The following CPXM2 variants were observed in gnomAD, a reference collection of about 807,000 sequenced individuals.
CPXM2 encodes carboxypeptidase X, M14 family member 2, also known as inactive carboxypeptidase-like protein X2.
A neutral mutation model predicts 86.1 loss-of-function variants in CPXM2; 66 were observed. The observed-to-expected ratio is 0.77, with a 90% CI of 0.63 to 0.94. The LOEUF is 0.94. CPXM2 is among the 40% of genes least tolerant of loss of function. The pLI is 0.00. For synonymous variants in CPXM2, 388 were observed against 400.2 expected, an observed-to-expected ratio of 0.97 and a Z score of 0.36; for missense variants, 948 against 1,026.3, an observed-to-expected ratio of 0.92 and a Z score of 1.04.
chr10:123,805,200 A>T (rs1020510541), intron 4 of CPXM2, among the ~76,000 whole-genome samples: 1 of 151,924 alleles, frequency 6.6e-6, no homozygotes, highest in African/African-American at 2.4e-5. Flanking sequence ...TAAATCAATT[A>T]TAAATATTAT....
At chr10:123,751,007 G>C (rs1051518886) in intron 13 of CPXM2, 1 of 985,466 alleles carries the variant, frequency 1.0e-6, no homozygotes, top group African/African-American at 1.7e-5. Context: ...TCTGTGTTCA[G>C]GGTGAACCTT....
At chr10:123,800,392 G>T (rs1037806014) in intron 4 of CPXM2, among the ~76,000 whole-genome samples, 2 of 152,146 alleles carry the variant, frequency 1.3e-5, no homozygotes, top group African/African-American at 4.8e-5. Flanking sequence ...ACCAGTTTGA[G>T]CCCAGGGCTG....
chr10:123,891,582 C>A lies in CPXM2; in HGVS notation c.78G>T (p.Gln26His). 6 of 1,537,086 alleles carry A rather than the reference C, an allele frequency of 3.9e-6. No homozygotes were observed. In the South Asian group the frequency reaches 7.3e-5, roughly 19 times the overall value. ...LAVTLAGVGA[Q>H]GAALEDPDYY... ...AATCAGGGTCCTCGAGGGCTGCGCC[C>A]TGGGCTCCGACCCCGGCCAGGGTCA... The change falls in exon 1 of 14, where the codon CAG becomes CAT. Residue 26 changes from glutamine to histidine, a missense_variant. Gln to His is a conservative substitution (Grantham distance 24). Coordinates refer to ENST00000241305, the MANE Select transcript of CPXM2 (RefSeq NM_198148.3). This position sits in a 1 kb window ranked among gnomAD's most constrained non-coding sequence, Gnocchi z 5.6.
chr10:123,921,323 A>T (rs1945578186), intron 2 of CPXM2, among the ~76,000 whole-genome samples: 1 of 152,210 alleles, frequency 6.6e-6, no homozygotes, highest in African/African-American at 2.4e-5. Flanking sequence ...ATTATTAGAC[A>T]TTATAGATTT....
chr10:123,836,348 G>A (rs1177062063), intron 4 of CPXM2, among the ~76,000 whole-genome samples: 3 of 151,968 alleles, frequency 2.0e-5, no homozygotes, highest in Non-Finnish European at 4.4e-5. Flanking sequence ...TCCTGAACCT[G>A]CCCTGCACCT....
At chr10:123,808,155 G>T (rs1388935701) in intron 4 of CPXM2, among the ~76,000 whole-genome samples, 1 of 151,906 alleles carries the variant, frequency 6.6e-6, no homozygotes, top group Non-Finnish European at 1.5e-5. Context: ...AGAAAAAGCT[G>T]GCATATATTT....
intron 6 of CPXM2, among the ~76,000 whole-genome samples, chr10:123,793,905 AC>A (rs1847265586): frequency 6.6e-6 from 1 of 152,252 alleles, no homozygotes; most frequent in African/African-American, 2.4e-5. Flanking sequence ...CAACAGAGCA[AC>A]AGACCATCCT....
intron 1 of CPXM2, among the ~76,000 whole-genome samples, chr10:123,884,118 A>C (rs1945141024): frequency 6.6e-6 from 1 of 152,150 alleles, no homozygotes; most frequent in African/African-American, 2.4e-5. Context: ...GCTTTGCTGC[A>C]ATTTTGCATC....
chr10:123,842,192 G>A (rs779402386), intron 4 of CPXM2, among the ~76,000 whole-genome samples, 157 bp downstream of exon 4: 16 of 152,178 alleles, frequency 1.1e-4, no homozygotes, highest in African/African-American at 3.9e-4. Flanking sequence ...AGAATGTGTC[G>A]ACAACGAGCC....
At chr10:123,908,387 GT>G (rs1945461674) in intron 2 of CPXM2, among the ~76,000 whole-genome samples, 1 of 152,166 alleles carries the variant, frequency 6.6e-6, no homozygotes, top group African/African-American at 2.4e-5. Flanking sequence ...AAACCATCCT[GT>G]TTGCAGATAA....
intron 13 of CPXM2, among the ~76,000 whole-genome samples, chr10:123,747,730 G>C (rs879614067): frequency 1.3e-5 from 2 of 152,090 alleles, no homozygotes; most frequent in Non-Finnish European, 2.9e-5. Flanking sequence ...CTAGATCCCT[G>C]TGGTGGGCAC....
chr10:123,766,459 A>C (rs1846473765), intron 10 of CPXM2, among the ~76,000 whole-genome samples: 1 of 152,258 alleles, frequency 6.6e-6, no homozygotes, highest in African/African-American at 2.4e-5. Flanking sequence ...TGACCAGGAA[A>C]GATAATAAGA....
At chr10:123,930,810 T>G (rs1945661402) in intron 2 of CPXM2, among the ~76,000 whole-genome samples, 1 of 152,230 alleles carries the variant, frequency 6.6e-6, no homozygotes, top group East Asian at 1.9e-4. Flanking sequence ...GACATTCATT[T>G]TAATTGAATA....
chr10:123,830,946 T>C lies in CPXM2; in HGVS notation c.653+11403A>G, dbSNP rs561440103. Among the ~76,000 whole-genome samples, 13 of 151,862 alleles carry C rather than the reference T, an allele frequency of 8.6e-5. 1 individual carries two copies. The East Asian group carries it at 2.3e-3, about 27-fold the overall frequency. On this transcript the variant is annotated intron_variant, in intron 4 of 13. Coordinates refer to ENST00000241305, the MANE Select transcript of CPXM2 (RefSeq NM_198148.3). ...TCTTTCTTTGCTGGAACTCTAATCATGTAGTTAAATGGCTCTGCCATGTTC... is the reference window on the plus strand; with the variant it reads ...TCTTTCTTTGCTGGAACTCTAATCACGTAGTTAAATGGCTCTGCCATGTTC...
chr10:123,762,281 A>G (rs917641141), intron 10 of CPXM2, 112 bp from the exon 11 acceptor site: 1 of 1,459,370 alleles, frequency 6.9e-7, no homozygotes, highest in South Asian at 1.2e-5. Context: ...TAATCTTAGT[A>G]AAGTTCAGAA....
chr10:123,895,741 C>T (rs548397401), upstream of CPXM2, among the ~76,000 whole-genome samples: 3 of 152,256 alleles, frequency 2.0e-5, no homozygotes, highest in Non-Finnish European at 2.9e-5. Flanking sequence ...GGATGTCAGC[C>T]GTGCTATAAA....
chr10:123,826,135 C>T (rs961316529), intron 4 of CPXM2, among the ~76,000 whole-genome samples: 3 of 152,160 alleles, frequency 2.0e-5, no homozygotes, highest in East Asian at 1.9e-4. Flanking sequence ...TCCTGCTTTA[C>T]AGATAAGGAA....
In CPXM2 at chr10:123,939,078, C is replaced by T. The variant is rs572805739; in HGVS notation, n.174+399G>A. On this transcript the variant is annotated intron_variant and non_coding_transcript_variant, in intron 2 of 19. Coordinates refer to the CPXM2 transcript ENST00000368854. ...GGTATCCTGGATACCATGTCAGGGA[C>T]ATAAAGCCACGAGAAGTGTATCTGC... is the stretch of plus-strand genomic sequence containing the variant. 3.2e-3 allele frequency among the ~76,000 whole-genome samples: 492 copies of T among 152,220 alleles called. 1 individual carries two copies. Among genetic ancestry groups the T allele is most frequent in the Non-Finnish European group, 6.0e-3 (406 of 68,024 alleles).
chr10:123,925,767 T>C (rs934431324), intron 2 of CPXM2, among the ~76,000 whole-genome samples: 2 of 152,216 alleles, frequency 1.3e-5, no homozygotes, highest in Non-Finnish European at 2.9e-5. Flanking sequence ...TATTCATTCA[T>C]TCATTCCACA....
Sources: allele counts gnomAD v4.1 joint callset (sites outside exome capture counted in the v4.1 genomes callset), GRCh38; gene constraint gnomAD v4.1.1; non-coding constraint Gnocchi (gnomAD v3.1); transcripts MANE v1.5; gene names NCBI Gene and HGNC (gene_info 2026-07-23, HGNC 2026-07-21).